The following BMPR1B variants were observed in gnomAD, a reference collection of about 807,000 sequenced individuals.
BMPR1B encodes bone morphogenetic protein receptor type 1B, also known as bone morphogenetic protein receptor type-1B.
BMPR1B carries 12 observed loss-of-function variants against 59.1 expected under a neutral mutation model. That is an observed-to-expected ratio of 0.20 (90% CI 0.13 to 0.33). The LOEUF is 0.33. Among genes scored for constraint, BMPR1B ranks in the 10% least tolerant of loss-of-function variants. BMPR1B has a pLI of 1.00. For synonymous variants in BMPR1B, 237 were observed against 207.3 expected (o/e 1.14, Z -1.23); for missense variants, 550 against 610.9 (o/e 0.90, Z 1.05).
intron 3 of BMPR1B, among the ~76,000 whole-genome samples, chr4:95,002,180 G>A (rs956348138): frequency 6.6e-6 from 1 of 152,066 alleles, no homozygotes; most frequent in African/African-American, 2.4e-5. Context: ...TTGCCATCTG[G>A]ATGTCCATGA....
At chr4:94,807,925 T>C (rs895106788) in intron 1 of BMPR1B, among the ~76,000 whole-genome samples, 2 of 152,166 alleles carry the variant, frequency 1.3e-5, no homozygotes. Context: ...TAGCCTCAAG[T>C]GATCCACCTG....
intron 1 of BMPR1B, among the ~76,000 whole-genome samples, chr4:94,847,363 G>A (rs1184322373): frequency 2.6e-5 from 4 of 152,168 alleles, no homozygotes; most frequent in Non-Finnish European, 5.9e-5. Flanking sequence ...AGCCACTATG[G>A]AAAACAGTGT....
intron 2 of BMPR1B, among the ~76,000 whole-genome samples, chr4:94,941,146 G>A (rs1729494780): frequency 6.6e-6 from 1 of 152,074 alleles, no homozygotes; most frequent in Admixed American, 6.5e-5. Context: ...AAAATATGAA[G>A]GACGGGTGCG....
At chr4:95,044,940 A>C (rs2149178160) in intron 3 of BMPR1B, among the ~76,000 whole-genome samples, 1 of 152,278 alleles carries the variant, frequency 6.6e-6, no homozygotes, top group South Asian at 2.1e-4. Flanking sequence ...AAGCCAGAAT[A>C]ATAAAACCAA....
At chr4:94,902,245 CACACAGAGAGAGAG>C (rs1470804245) in intron 2 of BMPR1B, among the ~76,000 whole-genome samples, 139 of 91,732 alleles carry the variant, frequency 1.5e-3, no homozygotes, top group African/African-American at 5.8e-3. Context: ...CACACACACA[CACACAGAGAGAGAG>C]AGAGAGAGAG....
chr4:94,913,458 G>A (rs905367316), intron 2 of BMPR1B, among the ~76,000 whole-genome samples: 3 of 152,130 alleles, frequency 2.0e-5, no homozygotes, highest in African/African-American at 7.2e-5. Flanking sequence ...GATGCTTAGT[G>A]TGACAGTTTG....
chr4:94,882,978 A>ATGTGTGTGTG lies in BMPR1B; in HGVS notation c.-113+7098_-113+7107dup, dbSNP rs112253431. Among the ~76,000 whole-genome samples, 43 of 144,570 alleles carry ATGTGTGTGTG rather than the reference A, an allele frequency of 3.0e-4. No individual in the cohort carries two copies. In the South Asian group the frequency reaches 4.2e-3, roughly 14 times the overall value. 94.8% of individuals were successfully genotyped at this position (144,570 alleles called of 152,430 possible). On this transcript the variant is annotated intron_variant, in intron 2 of 12. Coordinates refer to ENST00000515059, the MANE Select transcript of BMPR1B (RefSeq NM_001203.3). ...CCTGTGTGTGTGTGCGTGTGTGTGTATGTGTGTGTGTGTGTGTGTGTGTGT... is the reference window on the plus strand; with the variant it reads ...CCTGTGTGTGTGTGCGTGTGTGTGTATGTGTGTGTGTGTGTGTGTGTGTGTGTGTGTGTGT...
chr4:95,156,667 TTG>T lies in BMPR1B; in HGVS notation c.*1998_*1999del, dbSNP rs1560700473. On this transcript the variant is annotated 3_prime_UTR_variant, in exon 13 of 13. Transcript: ENST00000515059. Reference sequence around the variant, plus strand: ...ATCCTTGAAATTGAAAAAAAAAAAATTGTGTTTTTAAAGAGTGAAAACAGTTA... The same window carrying T: ...ATCCTTGAAATTGAAAAAAAAAAAATTGTTTTTAAAGAGTGAAAACAGTTA... The T allele has an allele frequency of 2.6e-5, 4 of 151,622 alleles. No homozygotes were observed. 9.4% of individuals were successfully genotyped at this position (151,622 alleles called of 1,614,324 possible).
intron 3 of BMPR1B, among the ~76,000 whole-genome samples, chr4:95,009,190 T>A (rs1723057894): frequency 6.6e-6 from 1 of 152,230 alleles, no homozygotes; most frequent in African/African-American, 2.4e-5. Context: ...CTAATGGCGA[T>A]GCAAATTGGT....
At chr4:95,013,090 A>G (rs1320701546) in intron 3 of BMPR1B, among the ~76,000 whole-genome samples, 3 of 152,012 alleles carry the variant, frequency 2.0e-5, no homozygotes, top group East Asian at 3.9e-4. Context: ...TTCTCATTAA[A>G]TAACTAGTTT....
At chr4:94,877,636 G>GT (rs1269036783) in intron 2 of BMPR1B, among the ~76,000 whole-genome samples, 1 of 152,120 alleles carries the variant, frequency 6.6e-6, no homozygotes, top group Non-Finnish European at 1.5e-5. Flanking sequence ...TATAATGTCT[G>GT]TTTTTTTGAA....
chr4:94,830,788 T>C (rs1330087778), intron 1 of BMPR1B, among the ~76,000 whole-genome samples: 2 of 152,216 alleles, frequency 1.3e-5, no homozygotes, highest in Non-Finnish European at 2.9e-5. Context: ...CTAGTGACAC[T>C]GTAGCCATCG....
chr4:95,149,555 A>C (rs958203650), intron 11 of BMPR1B, among the ~76,000 whole-genome samples: 1 of 152,198 alleles, frequency 6.6e-6, no homozygotes, highest in Non-Finnish European at 1.5e-5. Flanking sequence ...AAGTATTATT[A>C]CTTGTACTAT....
intron 1 of BMPR1B, among the ~76,000 whole-genome samples, chr4:94,825,779 G>A (rs964298195): frequency 6.6e-6 from 1 of 151,918 alleles, no homozygotes; most frequent in Non-Finnish European, 1.5e-5. Flanking sequence ...GAAAGAAAAT[G>A]GATTGCATTG....
At chr4:95,034,343 C>A (rs553092238) in intron 3 of BMPR1B, among the ~76,000 whole-genome samples, 34 of 151,974 alleles carry the variant, frequency 2.2e-4, no homozygotes, top group African/African-American at 6.0e-4. Context: ...TAGAAAAGTT[C>A]TTTAGTGGTG....
At chr4:95,133,535 A>C (rs1398830914) in intron 10 of BMPR1B, among the ~76,000 whole-genome samples, 1 of 152,120 alleles carries the variant, frequency 6.6e-6, no homozygotes, top group Non-Finnish European at 1.5e-5. Context: ...CTAGATCACA[A>C]CTACTGATCT....
intron 2 of BMPR1B, among the ~76,000 whole-genome samples, chr4:94,964,153 A>G (rs921022480): frequency 4.6e-5 from 7 of 152,086 alleles, no homozygotes; most frequent in Non-Finnish European, 1.0e-4. Context: ...TATAAATGCT[A>G]CTGATTTTGG....
At chr4:95,033,295 C>A (rs1725011530) in intron 3 of BMPR1B, among the ~76,000 whole-genome samples, 1 of 145,692 alleles carries the variant, frequency 6.9e-6, no homozygotes, top group South Asian at 2.4e-4. Context: ...TTAAAGTAGT[C>A]CAGTTTATCT....
intron 3 of BMPR1B, among the ~76,000 whole-genome samples, chr4:95,068,328 C>T (rs1157293443): frequency 2.0e-5 from 3 of 152,194 alleles, no homozygotes; most frequent in African/African-American, 7.2e-5. Context: ...ACATAATAGA[C>T]ATGGCTCACT....
Sources: allele counts gnomAD v4.1 joint callset (sites outside exome capture counted in the v4.1 genomes callset), GRCh38; gene constraint gnomAD v4.1.1; transcripts MANE v1.5; gene names NCBI Gene and HGNC (gene_info 2026-07-23, HGNC 2026-07-21).